Variants in IL1RAP observed in about 807,000 individuals in gnomAD.
IL1RAP encodes the protein interleukin-1 receptor accessory protein.
A neutral mutation model predicts 60.7 loss-of-function variants in IL1RAP; 35 were observed. That is an observed-to-expected ratio of 0.58 (90% confidence interval 0.44 to 0.76). The LOEUF (loss-of-function observed/expected upper bound fraction) is 0.76, where lower values mean the gene tolerates loss of function less well. Among genes scored for constraint, IL1RAP ranks in the 30% least tolerant of loss-of-function variants. The pLI, the probability that IL1RAP is intolerant of heterozygous loss-of-function variation, is 0.00. For synonymous variants in IL1RAP, 268 were observed against 250.9 expected (o/e 1.07, Z -0.64); for missense variants, 572 against 693.9 (o/e 0.82, Z 1.97).
chr3:190,625,923 A>C (rs1219289324), intron 7 of IL1RAP, among the ~76,000 whole-genome samples: 1 of 152,200 alleles, frequency 6.6e-6, no homozygotes, highest in Non-Finnish European at 1.5e-5. Flanking sequence ...TCTTAGTGAC[A>C]TACAGATAGG....
Position 190,649,938 on chromosome 3 carries a change from A to G in IL1RAP, c.*1233A>G, listed in dbSNP as rs114523823. ...TATCTATGTTACATGTAGATTATACATATATATACACACGTGTATATGAGA... is the reference window on the plus strand; with the variant it reads ...TATCTATGTTACATGTAGATTATACGTATATATACACACGTGTATATGAGA... On this transcript the variant is annotated 3_prime_UTR_variant, in exon 12 of 12. Transcript: ENST00000447382. 0.015 allele frequency: 12,748 copies of G among 850,644 alleles called. 107 individuals carry two copies. The highest frequency in any genetic ancestry group is 0.016 in the Non-Finnish European group (11,542 of 707,130). The allele number at this position is 850,644 out of a possible 1,614,324, so 52.7% of individuals were successfully genotyped here. A position where few individuals can be genotyped will look rare whatever the true frequency, so the allele number is the denominator to read the frequency against.
Position 190,623,407 on chromosome 3 carries a change from A to G in IL1RAP, c.767A>G (p.Lys256Arg). ...HSPNDHVVYE[K>R]EPGEELLIPC... ...CCTAATGATCATGTGGTCTATGAGA[A>G]AGAACCAGGTAATTACAGCTATGTC... The change falls in exon 7 of 12, where the codon AAA becomes AGA. Residue 256 changes from lysine (K) to arginine (R), a missense_variant. Physicochemically the swap from Lys to Arg is conservative, Grantham distance 26 (BLOSUM62 2). Coordinates refer to ENST00000447382, the MANE Select transcript of IL1RAP (RefSeq NM_002182.4). 6.2e-7 allele frequency: 1 copy of G among 1,609,940 alleles called. No homozygotes were observed. The highest frequency in any genetic ancestry group is 8.5e-7 in the Non-Finnish European group (1 of 1,176,268).
intron 3 of IL1RAP, among the ~76,000 whole-genome samples, chr3:190,592,413 C>A (rs571358868): frequency 3.3e-5 from 5 of 152,318 alleles, no homozygotes; most frequent in Non-Finnish European, 7.3e-5. Flanking sequence ...GCTGCTGGAA[C>A]CTTCTGGGAC....
At chr3:190,571,634 T>C (rs950375183) in intron 3 of IL1RAP, among the ~76,000 whole-genome samples, 1 of 152,226 alleles carries the variant, frequency 6.6e-6, no homozygotes, top group African/African-American at 2.4e-5. Flanking sequence ...TATTTATACA[T>C]TGTGGAATGA....
chr3:190,582,469 G>A (rs562029496), intron 3 of IL1RAP, among the ~76,000 whole-genome samples: 4 of 151,796 alleles, frequency 2.6e-5, no homozygotes, highest in East Asian at 3.9e-4. Context: ...ACACGCGTGC[G>A]CCACCACCCA....
intron 1 of IL1RAP, among the ~76,000 whole-genome samples, chr3:190,545,735 G>C (rs970947011): frequency 6.6e-6 from 1 of 152,162 alleles, no homozygotes; most frequent in Non-Finnish European, 1.5e-5. Context: ...TCTGTAAAAT[G>C]GGATTGAAAT....
At chr3:190,642,304 G>C (rs893254931) in intron 9 of IL1RAP, 2 of 152,726 alleles carry the variant, frequency 1.3e-5, no homozygotes, top group African/African-American at 4.8e-5. Flanking sequence ...GCACTCAGTG[G>C]AAGAGGACGA....
chr3:190,652,735 A>C (rs2108872401), downstream of IL1RAP, among the ~76,000 whole-genome samples: 1 of 152,330 alleles, frequency 6.6e-6, no homozygotes, highest in Non-Finnish European at 1.5e-5. Context: ...TTTATTTGAT[A>C]GATTTTCATT....
chr3:190,544,081 A>G (rs1724171343), intron 1 of IL1RAP, among the ~76,000 whole-genome samples: 1 of 152,230 alleles, frequency 6.6e-6, no homozygotes. Context: ...CCTAATACAT[A>G]CATGCATTTT....
chr3:190,603,472 A>T (rs1188096275), intron 3 of IL1RAP, among the ~76,000 whole-genome samples: 1 of 152,218 alleles, frequency 6.6e-6, no homozygotes, highest in African/African-American at 2.4e-5. Flanking sequence ...GACAGTAGAC[A>T]TATGTGGCTA....
At chr3:190,569,659 G>A (rs1692291266) in intron 3 of IL1RAP, among the ~76,000 whole-genome samples, 1 of 151,768 alleles carries the variant, frequency 6.6e-6, no homozygotes, top group Non-Finnish European at 1.5e-5. Context: ...TCCCAAGGGT[G>A]GATTTACTGT....
At chr3:190,542,160 C>G (rs980017705) in intron 1 of IL1RAP, among the ~76,000 whole-genome samples, 1 of 152,092 alleles carries the variant, frequency 6.6e-6, no homozygotes, top group African/African-American at 2.4e-5. Flanking sequence ...AACCCTTGCT[C>G]CAGTGAATTT....
chr3:190,639,567 T>A (rs961344218), intron 9 of IL1RAP, among the ~76,000 whole-genome samples: 1 of 152,234 alleles, frequency 6.6e-6, no homozygotes, highest in Admixed American at 6.5e-5. Flanking sequence ...GGTGTTTATC[T>A]GATAATTCCA....
intron 9 of IL1RAP, among the ~76,000 whole-genome samples, chr3:190,641,293 T>A (rs1251342496): frequency 1.3e-5 from 2 of 152,192 alleles, no homozygotes; most frequent in African/African-American, 2.4e-5. Context: ...AGTCTGGCAT[T>A]GCATCAGAGT....
chr3:190,537,314 C>T (rs1158743510), intron 1 of IL1RAP, among the ~76,000 whole-genome samples: 1 of 152,164 alleles, frequency 6.6e-6, no homozygotes, highest in Non-Finnish European at 1.5e-5. Context: ...CATGAGTCCT[C>T]TCTGTTTCTT....
In IL1RAP at chr3:190,561,827, A is replaced by C. The variant is rs571325124; in HGVS notation, c.-1-2462A>C. 2.0e-5 allele frequency among the ~76,000 whole-genome samples: 3 copies of C among 152,346 alleles called. No homozygotes were observed. The South Asian group carries it at 6.2e-4, about 32-fold the overall frequency. The stretch of plus-strand genomic sequence containing the variant: ...TCAAGTCTGTAGATGTCACAAAGCT[A>C]GGAAGATAGCAATTATTGTGATAAC... On this transcript the variant is annotated intron_variant, in intron 2 of 11. Coordinates refer to ENST00000447382, the MANE Select transcript of IL1RAP (RefSeq NM_002182.4).
intron 1 of IL1RAP, among the ~76,000 whole-genome samples, chr3:190,528,970 G>A (rs1722740279): frequency 6.6e-6 from 1 of 152,208 alleles, no homozygotes; most frequent in Admixed American, 6.5e-5. Flanking sequence ...TGAAGGCCTA[G>A]GGCAGGATAT....
chr3:190,622,209 G>A (rs1308799561), intron 6 of IL1RAP, among the ~76,000 whole-genome samples: 1 of 152,174 alleles, frequency 6.6e-6, no homozygotes, highest in Non-Finnish European at 1.5e-5. Flanking sequence ...TGTAAGCTTT[G>A]GAAAGCTTTG....
intron 9 of IL1RAP, chr3:190,644,034 A>G (rs572362081): frequency 4.8e-6 from 3 of 623,048 alleles, no homozygotes; most frequent in Non-Finnish European, 6.0e-6. Context: ...CAAATAAAAA[A>G]CACCTTCTAT....
Sources: gnomAD v4.1 joint callset for allele counts (sites outside exome capture counted in the v4.1 genomes callset) on GRCh38, gnomAD v4.1.1 for gene constraint, MANE v1.5 for transcripts, NCBI Gene and HGNC (gene_info 2026-07-23, HGNC 2026-07-21) for gene names.